The following MAP6 variants were observed in gnomAD, a reference collection of about 807,000 sequenced individuals.
MAP6 encodes microtubule associated protein 6.
A neutral mutation model predicts 42.4 loss-of-function variants in MAP6; 26 were observed. The ratio of observed to expected loss-of-function variants is 0.61; its 90% CI spans 0.45 to 0.85. The LOEUF is 0.85. Ranked by LOEUF, MAP6 falls within the 40% of genes least tolerant of loss-of-function variation. The pLI is 0.00. For missense variants in MAP6, 966 were observed against 1,099.0 expected (o/e 0.88, Z 1.71); for synonymous variants, 418 against 443.8 (o/e 0.94, Z 0.73).
intron 1 of MAP6, among the ~76,000 whole-genome samples, chr11:75,657,418 A>C (rs1186885686): frequency 6.6e-6 from 1 of 152,008 alleles, no homozygotes; most frequent in Non-Finnish European, 1.5e-5. Context: ...GCCTTTGGAG[A>C]CACTTTTGAT....
intron 1 of MAP6, 38 bp from the exon 2 acceptor site, chr11:75,608,360 A>T: frequency 6.4e-7 from 1 of 1,555,148 alleles, no homozygotes; most frequent in Non-Finnish European, 8.9e-7. Flanking sequence ...ATGAAGCATC[A>T]TCTGCCTGGA....
At chr11:75,620,310 A>AT (rs1943085277) in intron 1 of MAP6, among the ~76,000 whole-genome samples, 1 of 151,986 alleles carries the variant, frequency 6.6e-6, no homozygotes, top group African/African-American at 2.4e-5. Context: ...TCTCTATGAA[A>AT]ATATATATAA....
chr11:75,603,960 T>TAGAAA (rs1942712366), intron 3 of MAP6: 1 of 985,694 alleles, frequency 1.0e-6, no homozygotes, highest in East Asian at 1.1e-4. Flanking sequence ...AAGATCATGT[T>TAGAAA]GCTAGAGCTT....
chr11:75,666,809 C>A (rs1327178727), intron 1 of MAP6, among the ~76,000 whole-genome samples: 1 of 152,168 alleles, frequency 6.6e-6, no homozygotes, highest in Admixed American at 6.5e-5. Context: ...CCAATTACAT[C>A]TTACAGATAA....
rs148540449 is a variant in MAP6 at position 75,592,949 on chromosome 11, G to A, written c.1317-4765C>T. ...TTGCACATGCAGCTGTCTGCTCCTG[G>A]AATATTCTCTTGTTCCCTCTTCACC... On this transcript the variant is annotated intron_variant, in intron 3 of 3. Transcript: ENST00000304771. Among the ~76,000 whole-genome samples the A allele has an allele frequency of 4.5e-3, 691 of 152,196 alleles. 6 individuals carry two copies. The highest frequency in any genetic ancestry group is 0.016 in the African/African-American group (651 of 41,510).
At chr11:75,622,474 G>A (rs1036613373) in intron 1 of MAP6, among the ~76,000 whole-genome samples, 13 of 150,976 alleles carry the variant, frequency 8.6e-5, no homozygotes, top group African/African-American at 2.9e-4. Flanking sequence ...GCTGCTGAGA[G>A]AGATTGAAGA....
intron 1 of MAP6, among the ~76,000 whole-genome samples, chr11:75,647,393 C>G (rs1205028800): frequency 7.2e-6 from 1 of 139,370 alleles, no homozygotes; most frequent in Non-Finnish European, 1.6e-5. Flanking sequence ...GTGTAACTTC[C>G]ACGTAGAAGG....
At chr11:75,637,535 G>A (rs1466730019) in intron 1 of MAP6, among the ~76,000 whole-genome samples, 2 of 152,090 alleles carry the variant, frequency 1.3e-5, no homozygotes, top group Non-Finnish European at 2.9e-5. Flanking sequence ...GGTGGAGCTG[G>A]AGGCTGCTTG....
At chr11:75,633,545 C>A (rs1221577665) in intron 1 of MAP6, among the ~76,000 whole-genome samples, 1 of 152,132 alleles carries the variant, frequency 6.6e-6, no homozygotes, top group Non-Finnish European at 1.5e-5. Context: ...GGAGAGGGAC[C>A]ATAAGCCAAT....
At chr11:75,621,685 G>C (rs1477463081) in intron 1 of MAP6, among the ~76,000 whole-genome samples, 1 of 64,642 alleles carries the variant, frequency 1.5e-5, no homozygotes, top group African/African-American at 6.5e-5. Context: ...AAGGCATACA[G>C]ATTAGAAAAG....
chr11:75,605,376 T>A (rs982754493), intron 3 of MAP6: 54 of 988,208 alleles, frequency 5.5e-5, no homozygotes, highest in South Asian at 2.8e-4. Flanking sequence ...CACATGACGA[T>A]TCTCTGAATT....
intron 1 of MAP6, among the ~76,000 whole-genome samples, chr11:75,657,615 T>C (rs968239934): frequency 9.9e-5 from 15 of 152,206 alleles, no homozygotes; most frequent in Non-Finnish European, 8.8e-5. Flanking sequence ...ACAAACAGAA[T>C]GGCTTAAAGC....
At chr11:75,641,866 T>C (rs1328216070) in intron 1 of MAP6, among the ~76,000 whole-genome samples, 2 of 152,204 alleles carry the variant, frequency 1.3e-5, no homozygotes, top group East Asian at 3.8e-4. Context: ...CAAATGTTAG[T>C]ATTTCAGGAA....
chr11:75,644,221 T>A (rs1329913724), intron 1 of MAP6, among the ~76,000 whole-genome samples: 1 of 152,110 alleles, frequency 6.6e-6, no homozygotes, highest in Non-Finnish European at 1.5e-5. Flanking sequence ...GGGCACATGA[T>A]CTAGGGAGGG....
intron 1 of MAP6, among the ~76,000 whole-genome samples, chr11:75,630,430 A>C (rs933548502): frequency 3.3e-5 from 5 of 152,206 alleles, no homozygotes; most frequent in African/African-American, 1.2e-4. Context: ...ATATTCATTA[A>C]AGGTTCTGCA....
intron 1 of MAP6, among the ~76,000 whole-genome samples, chr11:75,618,171 TAAC>T (rs890777816): frequency 6.9e-6 from 1 of 145,858 alleles, no homozygotes; most frequent in Non-Finnish European, 1.5e-5. Context: ...GCACTAAAAA[TAAC>T]ATCATTTTAT....
At chr11:75,603,786 T>G (rs2135583649) in intron 3 of MAP6, 1 of 985,168 alleles carries the variant, frequency 1.0e-6, no homozygotes, top group East Asian at 1.1e-4. Flanking sequence ...AAGGGAATGC[T>G]AAATAAATGA....
chr11:75,624,542 G>A (rs929241570), intron 1 of MAP6, among the ~76,000 whole-genome samples: 16 of 152,082 alleles, frequency 1.1e-4, no homozygotes, highest in Non-Finnish European at 1.6e-4. Flanking sequence ...ATCCAACTCC[G>A]TATCTCAAGC....
chr11:75,650,609 C>T (rs914109956), intron 1 of MAP6, among the ~76,000 whole-genome samples: 1 of 151,996 alleles, frequency 6.6e-6, no homozygotes, highest in Non-Finnish European at 1.5e-5. Context: ...CCATGCTCAC[C>T]TCTGAGTATT....
Sources: allele counts gnomAD v4.1 joint callset (sites outside exome capture counted in the v4.1 genomes callset), GRCh38; gene constraint gnomAD v4.1.1; transcripts MANE v1.5; gene names NCBI Gene and HGNC (gene_info 2026-07-23, HGNC 2026-07-21).